ADIPOQ: variants seen among roughly 807,000 people sequenced by gnomAD.
ADIPOQ encodes adiponectin.
ADIPOQ carries 19 observed loss-of-function variants against 16.1 expected under a neutral mutation model. The observed-to-expected ratio is 1.18, with a 90% CI of 0.82 to 1.73. The LOEUF (loss-of-function observed/expected upper bound fraction) is 1.73. ADIPOQ is among the 40% of genes most tolerant of loss of function. The probability of loss-of-function intolerance (pLI) is 0.00; values close to 1 mark genes in which losing one functional copy is unlikely to be tolerated. For missense variants in ADIPOQ, 323 were observed against 308.3 expected, an observed-to-expected ratio of 1.05 and a Z score of -0.36; for synonymous variants, 124 against 125.5, an observed-to-expected ratio of 0.99 and a Z score of 0.08.
chr3:186,857,437 G>A lies in ADIPOQ; in HGVS notation c.*2733G>A, dbSNP rs989746085. ...TGAGTTTCCCAGAGAGACATAGCTG[G>A]AAAATTCCTATTGATTTTCTCTAAA... On this transcript the variant is annotated 3_prime_UTR_variant, in exon 3 of 3. Transcript: ENST00000320741. 6.6e-6 allele frequency: 1 copy of A among 152,148 alleles called. No homozygotes were observed. Among genetic ancestry groups the A allele is most frequent in the African/African-American group, 2.4e-5 (1 of 41,410 alleles). The allele number at this position is 152,148 out of a possible 1,614,324, so 9.4% of individuals were successfully genotyped here. A position where few individuals can be genotyped will look rare whatever the true frequency, so the allele number is the denominator to read the frequency against.
intron 1 of ADIPOQ, among the ~76,000 whole-genome samples, chr3:186,844,124 G>A (rs1711516220): frequency 1.3e-5 from 2 of 152,134 alleles, no homozygotes; most frequent in South Asian, 4.1e-4. Context: ...GTTCATGAAG[G>A]CCAGTGGTAC....
intron 1 of ADIPOQ, among the ~76,000 whole-genome samples, chr3:186,847,596 G>A (rs945350635): frequency 6.6e-6 from 1 of 152,046 alleles, no homozygotes; most frequent in African/African-American, 2.4e-5. Flanking sequence ...TCAAGGGTGC[G>A]CTTAGCTTCA....
Position 186,854,262 on chromosome 3 carries a change from A to G in ADIPOQ, c.293A>G (p.Gln98Arg), listed in dbSNP as rs1395173605. 1 of 1,613,918 alleles carries G rather than the reference A, an allele frequency of 6.2e-7. No homozygotes were observed. Among genetic ancestry groups the G allele is most frequent in the Non-Finnish European group, 8.5e-7 (1 of 1,179,766 alleles). ...GGTCCCCGAGGCTTTCCGGGAATCC[A>G]AGGCAGGAAAGGAGAACCTGGAGAA... ...AEGPRGFPGI[Q>R]GRKGEPGEGA... The change falls in exon 3 of 3, where the codon CAA becomes CGA. Residue 98 changes from glutamine (Q) to arginine (R), a missense_variant. By Grantham distance (43) the Gln-to-Arg change is conservative (BLOSUM62 1). Transcript: ENST00000320741.
At position 186,853,071 on chromosome 3, in the gene ADIPOQ, G is replaced by A. The variant is rs201248773; in HGVS notation, c.13G>A (p.Gly5Arg). MLLL[G>R]AVLLLLALPG... ...TCCAGGGCTCAGGATGCTGTTGCTG[G>A]GAGCTGTTCTACTGCTATTAGCTCT... The change falls in exon 2 of 3, where the codon GGA (glycine) becomes AGA (arginine). Residue 5 changes from glycine to arginine, a missense_variant. By Grantham distance (125) the Gly-to-Arg change is moderately radical (BLOSUM62 -2). Coordinates refer to ENST00000320741, the MANE Select transcript of ADIPOQ (RefSeq NM_004797.4). 1.4e-5 allele frequency: 22 copies of A among 1,614,184 alleles called. No individual in the cohort carries two copies. In the South Asian group the frequency reaches 2.2e-4, roughly 16 times the overall value.
chr3:186,842,982 T>A (rs1320933829), intron 1 of ADIPOQ, among the ~76,000 whole-genome samples: 1 of 152,216 alleles, frequency 6.6e-6, no homozygotes, highest in Non-Finnish European at 1.5e-5. Flanking sequence ...CATGGAACCA[T>A]TCTGAATTTT....
rs35469083 is a variant in ADIPOQ, at chr3:186,856,493, C to T, written c.*1789C>T. 6,674 of 152,186 alleles carry T rather than the reference C, an allele frequency of 0.044. 224 individuals carry two copies. Among genetic ancestry groups the T allele is most frequent in the South Asian group, 0.084 (403 of 4,824 alleles). The allele number at this position is 152,186 out of a possible 1,614,324, so 9.4% of individuals were successfully genotyped here. On this transcript the variant is annotated 3_prime_UTR_variant, in exon 3 of 3. Coordinates refer to ENST00000320741, the MANE Select transcript of ADIPOQ (RefSeq NM_004797.4). Reference sequence around the variant, plus strand: ...TTTAAGATGGAGTTTCCCTCTGTTGCCAGGCTAGAGTGCAGTGGCATGATC... The same window carrying T: ...TTTAAGATGGAGTTTCCCTCTGTTGTCAGGCTAGAGTGCAGTGGCATGATC...
At chr3:186,853,917 A>G in intron 2 of ADIPOQ, 2 of 377,256 alleles carry the variant, frequency 5.3e-6, no homozygotes, top group Non-Finnish European at 4.8e-6. Flanking sequence ...TGATGGTGCC[A>G]GCACATAAAG....
At chr3:186,848,318 G>GA (rs1711641098) in intron 1 of ADIPOQ, among the ~76,000 whole-genome samples, 4 of 150,220 alleles carry the variant, frequency 2.7e-5, no homozygotes, top group Non-Finnish European at 4.4e-5. Context: ...AGGAAGGAAG[G>GA]AAGGAAGGGT....
At chr3:186,844,279 C>T (rs1243719201) in intron 1 of ADIPOQ, among the ~76,000 whole-genome samples, 1 of 152,230 alleles carries the variant, frequency 6.6e-6, no homozygotes, top group East Asian at 1.9e-4. Flanking sequence ...TCCCAAGTAG[C>T]TGAGACTACA....
chr3:186,853,303 G>T, intron 2 of ADIPOQ, 31 bp downstream of exon 2: 1 of 1,556,406 alleles, frequency 6.4e-7, no homozygotes, highest in South Asian at 1.2e-5. Context: ...TTTCATCACA[G>T]ACCTCCTACA....
At position 186,854,999 on chromosome 3, in the gene ADIPOQ, C is replaced by T. The variant is rs1711943615; in HGVS notation, c.*295C>T. ...ATGCTCATATCAATCCTATAAGGCA[C>T]AGGGAACAAGCATTCTCCTGTTTTT... On this transcript the variant is annotated 3_prime_UTR_variant, in exon 3 of 3. Transcript: ENST00000320741. The T allele has an allele frequency of 2.7e-5, 12 of 442,410 alleles. No individual in the cohort carries two copies. Among genetic ancestry groups the T allele is most frequent in the Non-Finnish European group, 5.0e-5 (12 of 240,210 alleles). The allele number at this position is 442,410 out of a possible 1,614,324, so 27.4% of individuals were successfully genotyped here. A position where few individuals can be genotyped will look rare whatever the true frequency, so the allele number is the denominator to read the frequency against.
In ADIPOQ at chr3:186,855,968, C is replaced by A. The variant is rs536399421; in HGVS notation, c.*1264C>A. On this transcript the variant is annotated 3_prime_UTR_variant, in exon 3 of 3. Transcript: ENST00000320741. ...AGTCTCTGCATGTAATCAGTTTTATCCACAGAAACATTTTCATTTTAGGAA... is the reference window on the plus strand; with the variant it reads ...AGTCTCTGCATGTAATCAGTTTTATACACAGAAACATTTTCATTTTAGGAA... The A allele has an allele frequency of 6.6e-6, 1 of 152,328 alleles. No homozygotes were observed. The highest frequency in any genetic ancestry group is 2.1e-4 in the South Asian group (1 of 4,830). 9.4% of individuals were successfully genotyped at this position (152,328 alleles called of 1,614,324 possible).
At position 186,844,229 on chromosome 3, in the gene ADIPOQ, C is replaced by A. The variant is rs1283882252; in HGVS notation, c.-9+1480C>A. On this transcript the variant is annotated intron_variant, in intron 1 of 2. Transcript: ENST00000320741. ...TTGGCACAATCTCAGCTCACTGCAA[C>A]CTCCGCCTCCCAGGTTCAAGCGATT... is the stretch of plus-strand genomic sequence containing the variant. 2.0e-5 allele frequency among the ~76,000 whole-genome samples: 3 copies of A among 152,106 alleles called. No homozygotes were observed. In the East Asian group the frequency reaches 5.8e-4, roughly 29 times the overall value.
rs746026766 is a variant in ADIPOQ at position 186,856,822 on chromosome 3, C to A, written c.*2118C>A. ...GTGAATGTCATTCACAACAGAAAAC[C>A]CAAAATATTATGCAAACTACTGTAA... On this transcript the variant is annotated 3_prime_UTR_variant, in exon 3 of 3. Coordinates refer to ENST00000320741, the MANE Select transcript of ADIPOQ (RefSeq NM_004797.4). 1 of 151,812 alleles carries A rather than the reference C, an allele frequency of 6.6e-6. No homozygotes were observed. Among genetic ancestry groups the A allele is most frequent in the Non-Finnish European group, 1.5e-5 (1 of 67,976 alleles). 9.4% of individuals were successfully genotyped at this position (151,812 alleles called of 1,614,324 possible). A position where few individuals can be genotyped will look rare whatever the true frequency, so the allele number is the denominator to read the frequency against.
intron 1 of ADIPOQ, among the ~76,000 whole-genome samples, chr3:186,850,106 T>C (rs997875246): frequency 6.6e-6 from 1 of 151,840 alleles, no homozygotes; most frequent in African/African-American, 2.4e-5. Context: ...CCGTCTCTAC[T>C]AAAAAATGCA....
intron 1 of ADIPOQ, among the ~76,000 whole-genome samples, chr3:186,847,198 G>T (rs544192715): frequency 6.6e-6 from 1 of 152,170 alleles, no homozygotes; most frequent in African/African-American, 2.4e-5. Flanking sequence ...CGCATTACAG[G>T]TCAGAACAAA....
In ADIPOQ at chr3:186,854,595, A is replaced by G. The variant is rs199733477; in HGVS notation, c.626A>G (p.Asp209Gly). The change falls in exon 3 of 3, where the codon GAC becomes GGC. Residue 209 changes from aspartate (D) to glycine (G), a missense_variant. Coordinates refer to ENST00000320741, the MANE Select transcript of ADIPOQ (RefSeq NM_004797.4). ...GSVLLHLEVG[D>G]QVWLQVYGEG... ...GTGCTCCTGCATCTGGAGGTGGGCG[A>G]CCAAGTCTGGCTCCAGGTGTATGGG... is the stretch of plus-strand genomic sequence containing the variant. 6.2e-7 allele frequency: 1 copy of G among 1,614,022 alleles called. No individual in the cohort carries two copies. The highest frequency in any genetic ancestry group is 1.7e-5 in the Admixed American group (1 of 60,020).
intron 1 of ADIPOQ, chr3:186,852,058 G>C (rs1579207806): frequency 6.5e-6 from 1 of 152,928 alleles, no homozygotes; most frequent in Admixed American, 6.5e-5. Flanking sequence ...GAGAATATAG[G>C]GGAAGTGCTA....
At chr3:186,847,198 G>A (rs544192715) in intron 1 of ADIPOQ, among the ~76,000 whole-genome samples, 1 of 152,170 alleles carries the variant, frequency 6.6e-6, no homozygotes, top group Admixed American at 6.5e-5. Flanking sequence ...CGCATTACAG[G>A]TCAGAACAAA....
Sources: gnomAD v4.1 joint callset for allele counts (sites outside exome capture counted in the v4.1 genomes callset) on GRCh38, gnomAD v4.1.1 for gene constraint, MANE v1.5 for transcripts, NCBI Gene and HGNC (gene_info 2026-07-23, HGNC 2026-07-21) for gene names.